Variants in ACVR1 observed in about 807,000 individuals in gnomAD.
ACVR1 encodes activin A receptor type 1, also known as activin receptor type-1.
In ACVR1, 38 loss-of-function variants were observed where a neutral mutation model predicts 57.1. The ratio of observed to expected loss-of-function variants is 0.67; its 90% CI spans 0.51 to 0.87. ACVR1 has a LOEUF of 0.87. Among genes scored for constraint, ACVR1 ranks in the 40% least tolerant of loss-of-function variants. The pLI, the probability that ACVR1 is intolerant of heterozygous loss-of-function variation, is 0.00. For missense variants in ACVR1, 463 were observed against 638.2 expected (o/e 0.73, Z 2.96); for synonymous variants, 212 against 228.1 (o/e 0.93, Z 0.63).
intron 9 of ACVR1, among the ~76,000 whole-genome samples, chr2:157,747,981 G>C (rs988040687): frequency 6.6e-6 from 1 of 152,048 alleles, no homozygotes; most frequent in African/African-American, 2.4e-5. Flanking sequence ...ATGATGCAAG[G>C]GAGAGATCAA....
At chr2:157,764,362 T>A (rs1685781770) in intron 8 of ACVR1, among the ~76,000 whole-genome samples, 2 of 147,320 alleles carry the variant, frequency 1.4e-5, no homozygotes, top group Non-Finnish European at 3.0e-5. Flanking sequence ...TTATTATTTT[T>A]CTTTTTTTTT....
intron 5 of ACVR1, 96 bp downstream of exon 5, chr2:157,778,031 TTCAG>T (rs1686356445): frequency 4.8e-6 from 6 of 1,242,408 alleles, no homozygotes; most frequent in Non-Finnish European, 5.9e-6. Context: ...GTGTACACTG[TTCAG>T]TCACTCATTA....
chr2:157,850,819 T>G (rs762028221), intron 1 of ACVR1, among the ~76,000 whole-genome samples: 8 of 152,024 alleles, frequency 5.3e-5, no homozygotes, highest in Non-Finnish European at 1.2e-4. Context: ...TAGCTGGGTG[T>G]GGTGGTGCAC....
intron 8 of ACVR1, among the ~76,000 whole-genome samples, chr2:157,764,841 T>C (rs925529106): frequency 6.6e-6 from 1 of 152,222 alleles, no homozygotes; most frequent in Non-Finnish European, 1.5e-5. Flanking sequence ...CCTAAAATCT[T>C]TCGTCTCCTA....
intron 2 of ACVR1, among the ~76,000 whole-genome samples, chr2:157,810,570 T>C (rs1687716584): frequency 6.6e-6 from 1 of 152,190 alleles, no homozygotes; most frequent in South Asian, 2.1e-4. Flanking sequence ...AAGCTTTCCC[T>C]GAACCATCAA....
At position 157,818,476 on chromosome 2, in the gene ACVR1, C is replaced by T. The variant is rs939671710; in HGVS notation, c.-99G>A. On this transcript the variant is annotated 5_prime_UTR_variant, in exon 2 of 11. Transcript: ENST00000434821. Reference sequence around the variant, plus strand: ...CTCTCACTCTGGTCACTGGGGTACTCGGAGAGTAGAAGAGGCGTTCCTGGG... The same window carrying T: ...CTCTCACTCTGGTCACTGGGGTACTTGGAGAGTAGAAGAGGCGTTCCTGGG... 11 of 152,076 alleles carry T rather than the reference C, an allele frequency of 7.2e-5. No homozygotes were observed. The highest frequency in any genetic ancestry group is 3.2e-3 in the Middle Eastern group (1 of 316). The allele number at this position is 152,076 out of a possible 1,614,324, so 9.4% of individuals were successfully genotyped here.
chr2:157,872,047 G>A (rs1690129833), intron 1 of ACVR1, among the ~76,000 whole-genome samples: 1 of 152,170 alleles, frequency 6.6e-6, no homozygotes, highest in Non-Finnish European at 1.5e-5. Flanking sequence ...TAAAAATGAG[G>A]AGGTAAATCT....
chr2:157,837,964 G>A (rs561492667), intron 1 of ACVR1, among the ~76,000 whole-genome samples: 2 of 152,284 alleles, frequency 1.3e-5, no homozygotes, highest in African/African-American at 4.8e-5. Context: ...TTCCAGTGAG[G>A]ACAGCATTGT....
Position 157,806,251 on chromosome 2 carries a change from A to G in ACVR1, c.-7-6751T>C, listed in dbSNP as rs141984808. On this transcript the variant is annotated intron_variant, in intron 2 of 10. Transcript: ENST00000434821. ...CACCATTCAATCATGCCTTCTTTCC[A>G]TTTCCCTAACCTTAAACAATTTCAT... Among the ~76,000 whole-genome samples the G allele has an allele frequency of 6.5e-4, 99 of 152,062 alleles. 1 individual carries two copies. The East Asian group carries it at 0.018, about 27-fold the overall frequency.
At chr2:157,787,805 G>C (rs928452873) in intron 3 of ACVR1, among the ~76,000 whole-genome samples, 4 of 152,078 alleles carry the variant, frequency 2.6e-5, no homozygotes, top group African/African-American at 9.7e-5. Context: ...TTTAACAATG[G>C]GCTCTAGATG....
chr2:157,837,775 A>C (rs1275560785), intron 1 of ACVR1, among the ~76,000 whole-genome samples: 2 of 152,146 alleles, frequency 1.3e-5, no homozygotes, highest in African/African-American at 2.4e-5. Context: ...GGGCTCATCA[A>C]GGAAAATGGG....
At chr2:157,765,842 G>A in intron 8 of ACVR1, 79 bp downstream of exon 8, 1 of 1,455,926 alleles carries the variant, frequency 6.9e-7, no homozygotes, top group Non-Finnish European at 9.5e-7. Context: ...ATAACATGTT[G>A]TGGGGGAGAG....
At chr2:157,808,071 T>G (rs2105317068) in intron 2 of ACVR1, among the ~76,000 whole-genome samples, 1 of 152,228 alleles carries the variant, frequency 6.6e-6, no homozygotes, top group Middle Eastern at 3.4e-3. Flanking sequence ...GTCTCAGACC[T>G]TCTCACCCAC....
rs886534753 is a variant in ACVR1, at chr2:157,847,834, G to A, written c.-183+27962C>T. 4.6e-5 allele frequency among the ~76,000 whole-genome samples: 7 copies of A among 152,286 alleles called. No homozygotes were observed. The South Asian group carries it at 6.2e-4, about 14-fold the overall frequency. ...AGATGGAGTTTGAACTGGGGAGGGG[G>A]CGAGGAGTGGAGACAGAGAGCAGCT... is the stretch of plus-strand genomic sequence containing the variant. On this transcript the variant is annotated intron_variant, in intron 1 of 10. Transcript: ENST00000434821.
At chr2:157,749,371 T>C (rs1181939497) in intron 9 of ACVR1, among the ~76,000 whole-genome samples, 1 of 152,188 alleles carries the variant, frequency 6.6e-6, no homozygotes, top group Non-Finnish European at 1.5e-5. Context: ...TAAAACTACT[T>C]ATAAACAGAT....
At chr2:157,858,690 C>G (rs1433584746) in intron 1 of ACVR1, among the ~76,000 whole-genome samples, 1 of 152,096 alleles carries the variant, frequency 6.6e-6, no homozygotes, top group African/African-American at 2.4e-5. Flanking sequence ...ACCATGTTGG[C>G]CAGGCTGGTC....
intron 9 of ACVR1, 104 bp downstream of exon 9, chr2:157,760,776 T>C: frequency 3.4e-6 from 4 of 1,172,980 alleles, no homozygotes; most frequent in Non-Finnish European, 5.0e-6. Flanking sequence ...ACACGTACGA[T>C]TCAAAGAACA....
rs1189575034 is a variant in ACVR1, at chr2:157,777,698, A to G, written c.543+433T>C. On this transcript the variant is annotated intron_variant, in intron 5 of 10. Coordinates refer to ENST00000434821, the MANE Select transcript of ACVR1 (RefSeq NM_001111067.4). ...CTGCTTTTTTGGATGTCAAGTTTTT[A>G]AGCCTTAAATTACAGGATGCTGAAA... is the stretch of plus-strand genomic sequence containing the variant. Among the ~76,000 whole-genome samples, 3 of 152,344 alleles carry G rather than the reference A, an allele frequency of 2.0e-5. No individual in the cohort carries two copies. In the East Asian group the frequency reaches 5.8e-4, roughly 29 times the overall value.
At chr2:157,797,549 TAAC>T (rs1425935912) in intron 3 of ACVR1, among the ~76,000 whole-genome samples, 1 of 152,210 alleles carries the variant, frequency 6.6e-6, no homozygotes, top group Non-Finnish European at 1.5e-5. Context: ...GAAAGATATA[TAAC>T]AACATGTTAA....
Sources: allele counts gnomAD v4.1 joint callset (sites outside exome capture counted in the v4.1 genomes callset), GRCh38; gene constraint gnomAD v4.1.1; transcripts MANE v1.5; gene names NCBI Gene and HGNC (gene_info 2026-07-23, HGNC 2026-07-21).